VEGFD: variants seen among roughly 807,000 people sequenced by gnomAD.
VEGFD encodes the protein c-fos induced growth factor (vascular endothelial growth factor D).
In VEGFD, 26 loss-of-function variants were observed where a neutral mutation model predicts 28.0. The observed-to-expected ratio is 0.93, with a 90% CI of 0.68 to 1.29. The LOEUF (loss-of-function observed/expected upper bound fraction) is 1.29, where lower values mean the gene tolerates loss of function less well. Among genes scored for constraint, VEGFD ranks in the 50% most tolerant of loss-of-function variants. VEGFD has a pLI of 0.00. For synonymous variants in VEGFD, 93 were observed against 95.5 expected, an observed-to-expected ratio of 0.97 and a Z score of 0.15; for missense variants, 294 against 273.4, an observed-to-expected ratio of 1.08 and a Z score of -0.53.
chrX:15,347,190 G>A lies in VEGFD; in HGVS notation c.912C>T (p.His304=), dbSNP rs757971531. The change falls in exon 6 of 7, where the codon CAC becomes CAT. Residue 304 remains histidine, a synonymous_variant. Transcript: ENST00000297904. ...TGCAGGTGTCTGGGTGAAATAGCTT[G>A]TGCTTCTGGCAGCAGGTCTCCAGAC... The part of the protein sequence containing the change: ...KESLETCCQK[H]KLFHPDTCSC... 1.7e-6 allele frequency: 2 copies of A among 1,210,576 alleles called. No individual in the cohort carries two copies. The highest frequency in any genetic ancestry group is 5.9e-5 in the East Asian group (2 of 33,753).
chrX:15,353,287 T>C, intron 4 of VEGFD, 119 bp from the exon 5 acceptor site: 1 of 305,018 alleles, frequency 3.3e-6, no homozygotes, highest in South Asian at 6.2e-5. Flanking sequence ...ATTTTTTGCT[T>C]TTTATACTCA....
intron 1 of VEGFD, among the ~76,000 whole-genome samples, chrX:15,379,092 C>T (rs35643564): frequency 0.051 from 5,690 of 111,431 alleles, 147 homozygotes; most frequent in South Asian, 0.13. Flanking sequence ...TCAGAAAGGT[C>T]TCCTCTGATT....
chrX:15,355,993 C>T (rs779049907), intron 3 of VEGFD, among the ~76,000 whole-genome samples: 10 of 112,091 alleles, frequency 8.9e-5, no homozygotes, highest in Admixed American at 8.5e-4. Context: ...GTGTTTGTTA[C>T]GTAGCACTGT....
chrX:15,382,719 C>T (rs1923611431), intron 1 of VEGFD, among the ~76,000 whole-genome samples: 1 of 110,941 alleles, frequency 9.0e-6, no homozygotes, highest in African/African-American at 3.3e-5. Context: ...GTGATTTCTC[C>T]CATGTAAATT....
intron 2 of VEGFD, among the ~76,000 whole-genome samples, chrX:15,361,902 CTT>C (rs1923023468): frequency 9.0e-6 from 1 of 111,109 alleles, no homozygotes; most frequent in Non-Finnish European, 1.9e-5. Context: ...GAGTTTCACT[CTT>C]GTTGCCCAGG....
At chrX:15,356,638 C>G (rs931124758) in intron 3 of VEGFD, among the ~76,000 whole-genome samples, 1 of 111,770 alleles carries the variant, frequency 8.9e-6, no homozygotes, top group African/African-American at 3.3e-5. Context: ...ACTTCATCTT[C>G]TTGCACAATT....
At chrX:15,350,775 TTCTTTCTC>T (rs201871567) in intron 5 of VEGFD, among the ~76,000 whole-genome samples, 2 of 90,765 alleles carry the variant, frequency 2.2e-5, no homozygotes, top group African/African-American at 8.8e-5. Flanking sequence ...TTTTCTTTCT[TTCTTTCTC>T]TCTCTTTCTT....
chrX:15,361,871 G>GT (rs1044217855), intron 2 of VEGFD, among the ~76,000 whole-genome samples: 6 of 109,467 alleles, frequency 5.5e-5, no homozygotes, highest in Middle Eastern at 4.7e-3. Flanking sequence ...GTTTTGTTTT[G>GT]TTTTTTTGTT....
At chrX:15,365,774 T>C (rs1464029244) in intron 1 of VEGFD, among the ~76,000 whole-genome samples, 2 of 112,056 alleles carry the variant, frequency 1.8e-5, no homozygotes, top group Admixed American at 1.9e-4. Flanking sequence ...GTCTCTTAAA[T>C]GTGCTTTTAT....
chrX:15,367,986 AAAAGAAAGAAAGAAAGAAAG>A (rs199761765), intron 1 of VEGFD, among the ~76,000 whole-genome samples: 4 of 66,631 alleles, frequency 6.0e-5, no homozygotes, highest in Non-Finnish European at 1.0e-4. Context: ...AAGAAAAAGA[AAAAGAAAGAAAGAAAGAAAG>A]AAAGAAAGAA....
chrX:15,380,762 G>A (rs745940942), intron 1 of VEGFD, among the ~76,000 whole-genome samples: 1 of 112,635 alleles, frequency 8.9e-6, no homozygotes, highest in Non-Finnish European at 1.9e-5. Context: ...AGAAGAGTGA[G>A]GATGTAGATA....
intron 2 of VEGFD, among the ~76,000 whole-genome samples, chrX:15,362,087 C>T (rs148968642): frequency 0.029 from 3,214 of 111,135 alleles, 105 homozygotes; most frequent in African/African-American, 0.095. Flanking sequence ...AGGCTGGTCT[C>T]GAACTCCTGA....
At chrX:15,360,723 TTAAG>T (rs1281673169) in intron 2 of VEGFD, among the ~76,000 whole-genome samples, 1 of 112,512 alleles carries the variant, frequency 8.9e-6, no homozygotes, top group African/African-American at 3.2e-5. Context: ...AATTACTCAA[TTAAG>T]TATTATTATG....
chrX:15,346,351 A>G, intron 6 of VEGFD, 92 bp from the exon 7 acceptor site: 2 of 995,031 alleles, frequency 2.0e-6, no homozygotes, highest in African/African-American at 3.8e-5. Flanking sequence ...TTTTCCAGAC[A>G]TGTATTTAAA....
intron 1 of VEGFD, among the ~76,000 whole-genome samples, chrX:15,380,705 T>C (rs901122623): frequency 3.5e-5 from 4 of 112,976 alleles, no homozygotes; most frequent in South Asian, 3.6e-4. Context: ...GAATTGTTTA[T>C]TAAATAAACC....
At chrX:15,368,035 G>GAAAGAAAGAAAGAAAGAAAGGA in intron 1 of VEGFD, among the ~76,000 whole-genome samples, 1 of 37,461 alleles carries the variant, frequency 2.7e-5, no homozygotes, top group South Asian at 1.6e-3. Context: ...AGAAAGGAAA[G>GAAAGAAAGAAAGAAAGAAAGGA]AAGAAAGAAA....
In VEGFD at chrX:15,363,233, A is replaced by C; in HGVS notation, c.177T>G (p.Ser59=). The C allele has an allele frequency of 8.3e-7, 1 of 1,211,561 alleles. No homozygotes were observed. ...TGCATCTCCACAGCTTCCAGTCCTC[A>C]GAGTGAGTAATTCGAAGTAGTTCCT... is the stretch of plus-strand genomic sequence containing the variant. ...SLEELLRITH[S]EDWKLWRCRL... The change falls in exon 2 of 7, where the codon TCT becomes TCG. Residue 59 remains serine, a synonymous_variant. Coordinates refer to ENST00000297904, the MANE Select transcript of VEGFD (RefSeq NM_004469.5).
At position 15,363,322 on chromosome X, in the gene VEGFD, TA is replaced by T. The variant is rs369052561; in HGVS notation, c.91-4del. The T allele has an allele frequency of 5.6e-5, 67 of 1,188,744 alleles. No individual in the cohort carries two copies. Among genetic ancestry groups the T allele is most frequent in the African/African-American group, 3.2e-4 (18 of 56,535 alleles). On this transcript the variant is annotated splice_polypyrimidine_tract_variant and splice_region_variant and intron_variant, in intron 1 of 6. Transcript: ENST00000297904. ...TCCAATGTGGACTGAGATGATCGCTTAAAAAAACAAAAATACCAGTTTAAAA... is the reference window on the plus strand; with the variant it reads ...TCCAATGTGGACTGAGATGATCGCTTAAAAAACAAAAATACCAGTTTAAAA...
intron 6 of VEGFD, among the ~76,000 whole-genome samples, chrX:15,346,952 T>C (rs1213812366): frequency 9.0e-6 from 1 of 110,792 alleles, no homozygotes; most frequent in Non-Finnish European, 1.9e-5. Context: ...TCTACACACA[T>C]AATAACAGGC....
Sources: gnomAD v4.1 joint callset for allele counts (sites outside exome capture counted in the v4.1 genomes callset) on GRCh38, gnomAD v4.1.1 for gene constraint, MANE v1.5 for transcripts, NCBI Gene and HGNC (gene_info 2026-07-23, HGNC 2026-07-21) for gene names.